KCNQ5: variants seen among roughly 807,000 people sequenced by gnomAD.
KCNQ5 encodes the protein potassium voltage-gated channel subfamily Q member 5.
KCNQ5 carries 30 observed loss-of-function variants against 98.2 expected under a neutral mutation model. The observed-to-expected ratio is 0.31, with a 90% CI of 0.23 to 0.41. The LOEUF is 0.41. Ranked by LOEUF, KCNQ5 falls within the 10% of genes least tolerant of loss-of-function variation. The pLI is 1.00. For synonymous variants in KCNQ5, 458 were observed against 449.4 expected (o/e 1.02, Z -0.24); for missense variants, 835 against 1,182.5 (o/e 0.71, Z 4.31).
At chr6:72,927,373 T>C (rs568022170) in intron 1 of KCNQ5, among the ~76,000 whole-genome samples, 52 of 152,166 alleles carry the variant, frequency 3.4e-4, no homozygotes, top group Non-Finnish European at 2.9e-4. Flanking sequence ...CTGTTTGATT[T>C]GTTTATACTA....
intron 1 of KCNQ5, among the ~76,000 whole-genome samples, chr6:72,625,022 A>G (rs957077736): frequency 6.6e-6 from 1 of 152,194 alleles, no homozygotes; most frequent in Non-Finnish European, 1.5e-5. Context: ...GAATCCCCAA[A>G]TCTTATTTTA....
chr6:72,963,452 C>G (rs1767467579), intron 1 of KCNQ5, among the ~76,000 whole-genome samples: 1 of 152,048 alleles, frequency 6.6e-6, no homozygotes, highest in Non-Finnish European at 1.5e-5. Context: ...TAATTTATGA[C>G]TATTTTATCT....
intron 3 of KCNQ5, among the ~76,000 whole-genome samples, chr6:73,077,061 C>G (rs547290475): frequency 6.6e-6 from 1 of 152,244 alleles, no homozygotes; most frequent in African/African-American, 2.4e-5. Flanking sequence ...TTAAATAATA[C>G]GTTGTTCAAA....
At chr6:73,100,063 T>C (rs375620053) in intron 5 of KCNQ5, among the ~76,000 whole-genome samples, 13 of 152,278 alleles carry the variant, frequency 8.5e-5, no homozygotes, top group African/African-American at 3.1e-4. Flanking sequence ...TACAAACACA[T>C]GTAAATTAAA....
chr6:73,098,705 C>T (rs1040222278), intron 5 of KCNQ5, among the ~76,000 whole-genome samples: 3 of 152,082 alleles, frequency 2.0e-5, no homozygotes, highest in Non-Finnish European at 4.4e-5. Context: ...CAAACAAAAA[C>T]TGAGGCATTT....
intron 1 of KCNQ5, among the ~76,000 whole-genome samples, chr6:72,931,902 C>T (rs913528319): frequency 6.6e-6 from 1 of 152,096 alleles, no homozygotes; most frequent in Non-Finnish European, 1.5e-5. Context: ...GGACTGAAAA[C>T]AGGCAGGTAA....
chr6:72,874,533 C>A (rs1208632525), intron 1 of KCNQ5, among the ~76,000 whole-genome samples: 1 of 152,026 alleles, frequency 6.6e-6, no homozygotes, highest in Non-Finnish European at 1.5e-5. Flanking sequence ...AACAGAAAAA[C>A]CTATTATTCC....
At chr6:72,795,654 A>G (rs1582305713) in intron 1 of KCNQ5, among the ~76,000 whole-genome samples, 1 of 152,204 alleles carries the variant, frequency 6.6e-6, no homozygotes, top group East Asian at 1.9e-4. Context: ...AATATAACAT[A>G]TGAATCAGAA....
At chr6:72,868,483 C>G (rs552331732) in intron 1 of KCNQ5, among the ~76,000 whole-genome samples, 4 of 152,236 alleles carry the variant, frequency 2.6e-5, no homozygotes, top group African/African-American at 9.6e-5. Context: ...TGGGAGTGGC[C>G]CAGACCTGAG....
At chr6:73,186,929 T>G (rs1422614095) in intron 11 of KCNQ5, among the ~76,000 whole-genome samples, 1 of 152,172 alleles carries the variant, frequency 6.6e-6, no homozygotes, top group African/African-American at 2.4e-5. Context: ...CTCCTAATGC[T>G]ATCCCTCCCC....
At chr6:72,751,705 C>T (rs773131482) in intron 1 of KCNQ5, among the ~76,000 whole-genome samples, 1 of 151,972 alleles carries the variant, frequency 6.6e-6, no homozygotes, top group Non-Finnish European at 1.5e-5. Context: ...TTAATATAGG[C>T]ATCACTCTTA....
intron 5 of KCNQ5, among the ~76,000 whole-genome samples, chr6:73,089,670 C>T (rs1309357142): frequency 6.6e-6 from 1 of 152,136 alleles, no homozygotes; most frequent in Admixed American, 6.5e-5. Flanking sequence ...GTTTGGTTTT[C>T]CATTCCTGAG....
In KCNQ5 at chr6:73,043,087, A is replaced by T. The variant is rs117594643; in HGVS notation, c.616+1025A>T. On this transcript the variant is annotated intron_variant, in intron 3 of 13. Transcript: ENST00000370398. ...TTTTAGGAGTCAGGAATTGTTGCGT[A>T]ATCTTCTCAGTTTCCTCCCTTACTC... The T allele has an allele frequency of 4.9e-3, 1,963 of 401,098 alleles. 9 individuals are homozygous for T. Among genetic ancestry groups the T allele is most frequent in the Non-Finnish European group, 6.2e-3 (1,180 of 189,356 alleles). 24.8% of individuals were successfully genotyped at this position (401,098 alleles called of 1,614,324 possible). A position where few individuals can be genotyped will look rare whatever the true frequency, so the allele number is the denominator to read the frequency against.
intron 1 of KCNQ5, among the ~76,000 whole-genome samples, chr6:72,926,467 A>G (rs1001160246): frequency 5.9e-5 from 9 of 152,066 alleles, no homozygotes; most frequent in African/African-American, 1.9e-4. Flanking sequence ...ATTATTTCTG[A>G]TCATACAGTT....
intron 1 of KCNQ5, among the ~76,000 whole-genome samples, chr6:72,634,764 TG>T (rs750023648): frequency 1.6e-4 from 25 of 152,032 alleles, no homozygotes; most frequent in Non-Finnish European, 3.2e-4. Flanking sequence ...GATGGGGTTT[TG>T]TTATGTTGAC....
rs753429116 is a variant in KCNQ5, at chr6:73,129,862, C to T, written c.1248-3559C>T. 6.2e-6 allele frequency: 10 copies of T among 1,609,036 alleles called. No individual in the cohort carries two copies. The highest frequency in any genetic ancestry group is 5.5e-5 in the South Asian group (5 of 90,242). ...CACGGAAGCAGAGGTACCCAGCATC[C>T]GGGCTATTGACATGAGATTTGAGAA... On this transcript the variant is annotated intron_variant, in intron 9 of 13. Coordinates refer to ENST00000370398, the MANE Select transcript of KCNQ5 (RefSeq NM_019842.4).
chr6:72,805,194 C>T (rs769487391), intron 1 of KCNQ5, among the ~76,000 whole-genome samples: 14 of 152,022 alleles, frequency 9.2e-5, no homozygotes, highest in Non-Finnish European at 2.1e-4. Flanking sequence ...TCCATTTTTG[C>T]TTTGATTGCC....
chr6:72,934,310 C>T (rs1039286067), intron 1 of KCNQ5, among the ~76,000 whole-genome samples: 1 of 151,910 alleles, frequency 6.6e-6, no homozygotes, highest in African/African-American at 2.4e-5. Flanking sequence ...CTGATGATGA[C>T]AACAATGATA....
intron 1 of KCNQ5, among the ~76,000 whole-genome samples, chr6:72,838,270 T>C (rs1776604020): frequency 6.6e-6 from 1 of 152,042 alleles, no homozygotes; most frequent in African/African-American, 2.4e-5. Context: ...CTTCCTTTGC[T>C]TCTTGTGCAG....
Sources: allele counts gnomAD v4.1 joint callset (sites outside exome capture counted in the v4.1 genomes callset), GRCh38; gene constraint gnomAD v4.1.1; transcripts MANE v1.5; gene names NCBI Gene and HGNC (gene_info 2026-07-23, HGNC 2026-07-21).